The following PHACTR1 variants were observed in gnomAD, a reference collection of about 807,000 sequenced individuals.
PHACTR1 encodes the protein RPEL repeat containing 1.
PHACTR1 carries 16 observed loss-of-function variants against 69.2 expected under a neutral mutation model. That is an observed-to-expected ratio of 0.23 (90% CI 0.16 to 0.35). The LOEUF (loss-of-function observed/expected upper bound fraction) is 0.35, where lower values mean the gene tolerates loss of function less well. Among genes scored for constraint, PHACTR1 ranks in the 10% least tolerant of loss-of-function variants. The pLI is 1.00. For synonymous variants in PHACTR1, 312 were observed against 284.5 expected (o/e 1.10, Z -0.97); for missense variants, 510 against 734.7 (o/e 0.69, Z 3.54).
chr6:13,233,338 G>GTTGCTTAAATACTGCTTGGAATTTGTA (rs1771517319), intron 10 of PHACTR1, among the ~76,000 whole-genome samples: 2 of 151,964 alleles, frequency 1.3e-5, no homozygotes, highest in African/African-American at 2.4e-5. Flanking sequence ...CCCTTATAAG[G>GTTGCTTAAATACTGCTTGGAATTTGTA]ACATCCACTG....
chr6:13,229,218 C>T (rs1337012245), intron 9 of PHACTR1, among the ~76,000 whole-genome samples: 1 of 152,206 alleles, frequency 6.6e-6, no homozygotes, highest in Non-Finnish European at 1.5e-5. Flanking sequence ...GTGGGGCCGT[C>T]CTGTACACTG....
chr6:13,117,068 C>A (rs1817924756), intron 5 of PHACTR1, among the ~76,000 whole-genome samples: 1 of 152,168 alleles, frequency 6.6e-6, no homozygotes, highest in South Asian at 2.1e-4. Context: ...CTTAAATCTG[C>A]AGAACATTGA....
rs1253146982 is a variant in PHACTR1, at chr6:12,982,357, A to T, written c.251-71008A>T. On this transcript the variant is annotated intron_variant, in intron 4 of 14. Coordinates refer to ENST00000332995, the MANE Select transcript of PHACTR1 (RefSeq NM_030948.6). Reference sequence around the variant, plus strand: ...CCTCTGAGACATGAATGACTTTTCTACTACTTGTCAGTTGTTTACTCACTG... The same window carrying T: ...CCTCTGAGACATGAATGACTTTTCTTCTACTTGTCAGTTGTTTACTCACTG... Among the ~76,000 whole-genome samples, 3 of 152,284 alleles carry T rather than the reference A, an allele frequency of 2.0e-5. No homozygotes were observed. In the East Asian group the frequency reaches 5.8e-4, roughly 29 times the overall value.
intron 10 of PHACTR1, among the ~76,000 whole-genome samples, chr6:13,251,497 G>A (rs1440653142): frequency 6.6e-6 from 1 of 152,208 alleles, no homozygotes; most frequent in Non-Finnish European, 1.5e-5. Context: ...GGTCTCTGAT[G>A]TCTGTCTGGC....
intron 4 of PHACTR1, among the ~76,000 whole-genome samples, chr6:12,756,932 C>T (rs541159249): frequency 1.3e-4 from 20 of 151,514 alleles, no homozygotes; most frequent in South Asian, 8.4e-4. Flanking sequence ...TTTTTTAGAC[C>T]GTTTTTTAGG....
intron 4 of PHACTR1, among the ~76,000 whole-genome samples, chr6:12,981,334 G>A (rs1422296559): frequency 6.6e-6 from 1 of 152,202 alleles, no homozygotes; most frequent in Non-Finnish European, 1.5e-5. Flanking sequence ...CAAGCTAATT[G>A]GAACTGTCCA....
intron 4 of PHACTR1, among the ~76,000 whole-genome samples, chr6:12,961,428 G>A (rs1341031614): frequency 1.3e-5 from 2 of 152,156 alleles, no homozygotes; most frequent in Non-Finnish European, 2.9e-5. Context: ...TGTGCCCTGG[G>A]TAAATCATGC....
intron 4 of PHACTR1, among the ~76,000 whole-genome samples, chr6:12,793,105 A>G (rs1295314261): frequency 2.6e-5 from 4 of 152,158 alleles, no homozygotes; most frequent in Non-Finnish European, 2.9e-5. Context: ...TAGCGTTCAC[A>G]TTAATGTTTT....
chr6:12,751,006 G>T (rs577278020), intron 4 of PHACTR1, among the ~76,000 whole-genome samples: 55 of 152,340 alleles, frequency 3.6e-4, no homozygotes, highest in African/African-American at 1.2e-3. Flanking sequence ...GCGTGCGTGC[G>T]CGTGCATGGT....
intron 4 of PHACTR1, among the ~76,000 whole-genome samples, chr6:12,912,531 G>T (rs1013248366): frequency 1.3e-5 from 2 of 152,204 alleles, no homozygotes; most frequent in Non-Finnish European, 2.9e-5. Flanking sequence ...AACATGCAAG[G>T]GATGTAGATG....
chr6:12,971,454 A>G (rs1308893182), intron 4 of PHACTR1, among the ~76,000 whole-genome samples: 1 of 152,230 alleles, frequency 6.6e-6, no homozygotes, highest in Non-Finnish European at 1.5e-5. Context: ...TTGCTGTCCT[A>G]TCACTGAGGG....
intron 4 of PHACTR1, among the ~76,000 whole-genome samples, chr6:12,853,055 G>A (rs1582096846): frequency 6.6e-6 from 1 of 152,162 alleles, no homozygotes; most frequent in Admixed American, 6.5e-5. Context: ...ATTGCAACTT[G>A]AAGCATCGAT....
At chr6:13,012,519 G>C (rs1799556664) in intron 4 of PHACTR1, among the ~76,000 whole-genome samples, 1 of 152,192 alleles carries the variant, frequency 6.6e-6, no homozygotes, top group Non-Finnish European at 1.5e-5. Context: ...GCAGTAGGGT[G>C]GAAAGAACAC....
At chr6:13,182,266 G>A (rs887662292) in intron 6 of PHACTR1, among the ~76,000 whole-genome samples, 46 of 152,246 alleles carry the variant, frequency 3.0e-4, no homozygotes, top group African/African-American at 1.1e-3. Context: ...CATAGAAAAC[G>A]TGATGGATTC....
intron 4 of PHACTR1, among the ~76,000 whole-genome samples, chr6:12,851,588 T>C (rs914716972): frequency 6.6e-6 from 1 of 152,208 alleles, no homozygotes. Flanking sequence ...TGGGTTGGAA[T>C]AGAGTCCGGC....
chr6:13,224,241 A>G (rs1265722785), intron 8 of PHACTR1, among the ~76,000 whole-genome samples: 5 of 152,218 alleles, frequency 3.3e-5, no homozygotes, highest in Admixed American at 6.5e-5. Flanking sequence ...ATAGTAAGCA[A>G]ACAGATGATC....
intron 4 of PHACTR1, among the ~76,000 whole-genome samples, chr6:12,853,557 C>A (rs562543208): frequency 1.3e-5 from 2 of 152,214 alleles, no homozygotes; most frequent in East Asian, 3.9e-4. Context: ...AAAGACATAC[C>A]CAAGACTGGG....
intron 8 of PHACTR1, among the ~76,000 whole-genome samples, chr6:13,225,442 C>T (rs1477944159): frequency 6.6e-6 from 1 of 152,174 alleles, no homozygotes; most frequent in African/African-American, 2.4e-5. Context: ...GTACCTGGTA[C>T]CTTTCAAAGT....
intron 5 of PHACTR1, among the ~76,000 whole-genome samples, chr6:13,127,284 A>G (rs1179504031): frequency 6.6e-6 from 1 of 152,206 alleles, no homozygotes; most frequent in African/African-American, 2.4e-5. Flanking sequence ...CAGAAGGAAG[A>G]AGCCAGGAGT....
Sources: gnomAD v4.1 joint callset for allele counts (sites outside exome capture counted in the v4.1 genomes callset) on GRCh38, gnomAD v4.1.1 for gene constraint, MANE v1.5 for transcripts, NCBI Gene and HGNC (gene_info 2026-07-23, HGNC 2026-07-21) for gene names.